The following PTPN14 variants were observed in gnomAD, a reference collection of about 807,000 sequenced individuals.
The protein encoded by PTPN14 is tyrosine-protein phosphatase non-receptor type 14.
Under a neutral mutation model 126.8 loss-of-function variants are expected in PTPN14, and 53 were observed. The observed-to-expected ratio is 0.42, with a 90% CI of 0.34 to 0.53. The LOEUF (loss-of-function observed/expected upper bound fraction) is 0.53. PTPN14 is among the 20% of genes least tolerant of loss of function. The probability of loss-of-function intolerance (pLI) is 0.08; values close to 1 mark genes in which losing one functional copy is unlikely to be tolerated. For missense variants in PTPN14, 1,257 were observed against 1,552.9 expected, an observed-to-expected ratio of 0.81 and a Z score of 3.20; for synonymous variants, 630 against 599.3, an observed-to-expected ratio of 1.05 and a Z score of -0.75.
At chr1:214,546,787 C>T (rs1173903914) in intron 1 of PTPN14, among the ~76,000 whole-genome samples, 4 of 152,118 alleles carry the variant, frequency 2.6e-5, no homozygotes. Flanking sequence ...AAACTCTTGA[C>T]CTGGGCCTAA....
intron 3 of PTPN14, among the ~76,000 whole-genome samples, chr1:214,417,946 C>T (rs925369356): frequency 6.6e-6 from 1 of 152,176 alleles, no homozygotes; most frequent in Non-Finnish European, 1.5e-5. Flanking sequence ...CCCTAGGATG[C>T]AACATGCTCA....
At chr1:214,498,163 G>A (rs1654582500) in intron 1 of PTPN14, among the ~76,000 whole-genome samples, 1 of 152,196 alleles carries the variant, frequency 6.6e-6, no homozygotes, top group Non-Finnish European at 1.5e-5. Flanking sequence ...AGTATCTACT[G>A]AATGTTATTG....
intron 1 of PTPN14, among the ~76,000 whole-genome samples, chr1:214,536,910 A>G (rs1655722701): frequency 6.6e-6 from 1 of 152,208 alleles, no homozygotes; most frequent in African/African-American, 2.4e-5. Flanking sequence ...AAAAATTTTT[A>G]AATAGCTGGT....
At position 214,372,713 on chromosome 1, in the gene PTPN14, C is replaced by T; in HGVS notation, c.3034G>A (p.Glu1012Lys). 1 of 1,614,162 alleles carries T rather than the reference C, an allele frequency of 6.2e-7. No individual in the cohort carries two copies. The highest frequency in any genetic ancestry group is 1.1e-5 in the South Asian group (1 of 91,080). ...VNVIAMVTAE[E>K]EGGRTKSHRY... Reference sequence around the variant, plus strand: ...GTGGAGTAGGCCATTCCCCTTACCTCCTCTGCAGTGACCATGGCAATCACA... The same window carrying T: ...GTGGAGTAGGCCATTCCCCTTACCTTCTCTGCAGTGACCATGGCAATCACA... The change falls in exon 16 of 19, where the codon GAG becomes AAG. Residue 1012 changes from glutamate to lysine, a missense_variant and splice_region_variant. This residue lies in a region of PTPN14 where 171 missense variants were observed against 229.8 expected (regional missense o/e 0.74). Transcript: ENST00000366956.
intron 1 of PTPN14, chr1:214,532,717 G>A: frequency 1.3e-6 from 1 of 790,742 alleles, no homozygotes; most frequent in Non-Finnish European, 2.3e-6. Flanking sequence ...AGTCTGTGGA[G>A]AGCAGCATTA....
chr1:214,390,133 T>C (rs1193009107), intron 11 of PTPN14, among the ~76,000 whole-genome samples: 1 of 152,250 alleles, frequency 6.6e-6, no homozygotes, highest in Non-Finnish European at 1.5e-5. Context: ...TCTATCAGCT[T>C]GAAAGAATTG....
rs575682975 is a variant in PTPN14 at position 214,354,287 on chromosome 1, G to A, written c.*3635C>T. On this transcript the variant is annotated 3_prime_UTR_variant, in exon 19 of 19. Coordinates refer to ENST00000366956, the MANE Select transcript of PTPN14 (RefSeq NM_005401.5). Reference sequence around the variant, plus strand: ...CAATTTAAGCTCCTCAAAAGCTTACGATTCAAAATATTCCACATAGGTATT... The same window carrying A: ...CAATTTAAGCTCCTCAAAAGCTTACAATTCAAAATATTCCACATAGGTATT... The A allele has an allele frequency of 2.0e-5, 3 of 152,296 alleles. No individual in the cohort carries two copies. The highest frequency in any genetic ancestry group is 6.5e-5 in the Admixed American group (1 of 15,290). 9.4% of individuals were successfully genotyped at this position (152,296 alleles called of 1,614,324 possible). A position where few individuals can be genotyped will look rare whatever the true frequency, so the allele number is the denominator to read the frequency against.
intron 16 of PTPN14, among the ~76,000 whole-genome samples, chr1:214,371,017 T>C (rs573839179): frequency 8.8e-4 from 134 of 152,326 alleles, no homozygotes; most frequent in Middle Eastern, 3.4e-3. Flanking sequence ...TATTTACCAA[T>C]CCTGTGAAAG....
intron 3 of PTPN14, among the ~76,000 whole-genome samples, chr1:214,451,140 GT>G (rs1211023229): frequency 7.7e-6 from 1 of 130,228 alleles, no homozygotes; most frequent in Non-Finnish European, 1.7e-5. Flanking sequence ...ACAGAATTAG[GT>G]TTTTGTTTTT....
intron 1 of PTPN14, among the ~76,000 whole-genome samples, chr1:214,518,140 T>C (rs1655154857): frequency 6.6e-6 from 1 of 152,202 alleles, no homozygotes; most frequent in South Asian, 2.1e-4. Context: ...AACTGGGTAC[T>C]GTATCCGAAA....
chr1:214,475,821 C>T (rs1200235882), intron 1 of PTPN14, among the ~76,000 whole-genome samples: 1 of 152,120 alleles, frequency 6.6e-6, no homozygotes, highest in African/African-American at 2.4e-5. Flanking sequence ...AATAACTTCC[C>T]CCCACGATCA....
At chr1:214,421,553 A>G (rs1315900013) in intron 3 of PTPN14, among the ~76,000 whole-genome samples, 1 of 152,228 alleles carries the variant, frequency 6.6e-6, no homozygotes, top group Non-Finnish European at 1.5e-5. Context: ...GGAGAAAAAA[A>G]AAATTTAATG....
At chr1:214,458,557 T>C (rs973369180) in intron 2 of PTPN14, among the ~76,000 whole-genome samples, 1 of 152,126 alleles carries the variant, frequency 6.6e-6, no homozygotes, top group East Asian at 1.9e-4. Flanking sequence ...CAACAATTTG[T>C]AGAGGTGGCT....
At chr1:214,527,951 A>G (rs1318039952) in intron 1 of PTPN14, among the ~76,000 whole-genome samples, 3 of 152,354 alleles carry the variant, frequency 2.0e-5, no homozygotes, top group Admixed American at 1.3e-4. Flanking sequence ...ACTTCTCTCG[A>G]CAGCTTCTCT....
intron 10 of PTPN14, among the ~76,000 whole-genome samples, chr1:214,392,214 G>A (rs1658771731): frequency 6.6e-6 from 1 of 152,128 alleles, no homozygotes; most frequent in African/African-American, 2.4e-5. Context: ...GAGAGCGAGA[G>A]AGAGTATAAT....
chr1:214,485,395 T>C (rs1280960135), intron 1 of PTPN14, among the ~76,000 whole-genome samples: 1 of 152,132 alleles, frequency 6.6e-6, no homozygotes, highest in Non-Finnish European at 1.5e-5. Flanking sequence ...TTGGAATTCT[T>C]TCAGAAAGGG....
intron 1 of PTPN14, among the ~76,000 whole-genome samples, chr1:214,465,997 C>T (rs1660629351): frequency 9.9e-6 from 1 of 100,868 alleles, no homozygotes; most frequent in South Asian, 3.4e-4. Flanking sequence ...CACCTTGTTG[C>T]CCAGGCTGGA....
rs1657795179 is a variant in PTPN14 at position 214,355,416 on chromosome 1, A to G, written c.*2506T>C. On this transcript the variant is annotated 3_prime_UTR_variant, in exon 19 of 19. Coordinates refer to ENST00000366956, the MANE Select transcript of PTPN14 (RefSeq NM_005401.5). ...GACCACTTGCTAAAACATCCCTAAC[A>G]GCAGAATATCCCAAGGATGGAAAAA... The G allele has an allele frequency of 6.6e-6, 1 of 152,250 alleles. No homozygotes were observed. Among genetic ancestry groups the G allele is most frequent in the Non-Finnish European group, 1.5e-5 (1 of 68,036 alleles). The allele number at this position is 152,250 out of a possible 1,614,324, so 9.4% of individuals were successfully genotyped here.
At chr1:214,524,042 G>A (rs1164768990) in intron 1 of PTPN14, among the ~76,000 whole-genome samples, 1 of 151,718 alleles carries the variant, frequency 6.6e-6, no homozygotes, top group Non-Finnish European at 1.5e-5. Context: ...TAGAGGCAGG[G>A]TTTCACCATG....
Sources: gnomAD v4.1 joint callset for allele counts (sites outside exome capture counted in the v4.1 genomes callset) on GRCh38, gnomAD v4.1.1 for gene constraint, gnomAD v4.1.1 regional missense constraint, MANE v1.5 for transcripts, NCBI Gene and HGNC (gene_info 2026-07-23, HGNC 2026-07-21) for gene names.